Variants in FGFR1 observed in about 807,000 individuals in gnomAD.
FGFR1 encodes the protein fibroblast growth factor receptor 1.
A neutral mutation model predicts 93.7 loss-of-function variants in FGFR1; 18 were observed. The ratio of observed to expected loss-of-function variants is 0.19; its 90% CI spans 0.13 to 0.28. The LOEUF (loss-of-function observed/expected upper bound fraction) is 0.28, where lower values mean the gene tolerates loss of function less well. Among genes scored for constraint, FGFR1 ranks in the 10% least tolerant of loss-of-function variants. The pLI is 1.00. For missense variants in FGFR1, 731 were observed against 1,080.4 expected, an observed-to-expected ratio of 0.68 and a Z score of 4.53; for synonymous variants, 448 against 429.3, an observed-to-expected ratio of 1.04 and a Z score of -0.54.
chr8:38,460,990 C>G, intron 1 of FGFR1: 1 of 1,430,958 alleles, frequency 7.0e-7, no homozygotes, highest in Non-Finnish European at 9.5e-7. Context: ...TCTCCAATAT[C>G]AGCTAGGCTC....
chr8:38,452,200 G>GACACACACACAC (rs3051753), intron 2 of FGFR1, among the ~76,000 whole-genome samples: 28 of 139,164 alleles, frequency 2.0e-4, no homozygotes, highest in Non-Finnish European at 3.0e-4. Context: ...CAGACACACA[G>GACACACACACAC]ACACACACAC....
At chr8:38,439,920 T>G (rs560138066) in intron 2 of FGFR1, among the ~76,000 whole-genome samples, 4 of 152,138 alleles carry the variant, frequency 2.6e-5, no homozygotes, top group African/African-American at 9.7e-5. Context: ...TTGTATTACC[T>G]ACTCTACGTT....
chr8:38,449,323 A>G (rs1212139481), intron 2 of FGFR1, among the ~76,000 whole-genome samples: 1 of 152,188 alleles, frequency 6.6e-6, no homozygotes, highest in East Asian at 1.9e-4. Flanking sequence ...AAAACAATGT[A>G]TAAAGTATAC....
At chr8:38,458,758 T>C (rs1833605271) in intron 1 of FGFR1, 1 of 219,740 alleles carries the variant, frequency 4.6e-6, no homozygotes, top group East Asian at 6.7e-5. Context: ...CCTGGGTACT[T>C]TCTTTTTGTC....
chr8:38,458,477 G>A (rs1833501992), intron 1 of FGFR1, among the ~76,000 whole-genome samples: 1 of 152,074 alleles, frequency 6.6e-6, no homozygotes, highest in Non-Finnish European at 1.5e-5. Context: ...GGAGGCGGAG[G>A]TTGCAGTGAG....
At chr8:38,451,650 C>T (rs781606099) in intron 2 of FGFR1, among the ~76,000 whole-genome samples, 6 of 152,130 alleles carry the variant, frequency 3.9e-5, no homozygotes, top group African/African-American at 7.2e-5. Flanking sequence ...CCTCTCCCCC[C>T]TCTAACAAGC....
In FGFR1 at chr8:38,420,193, TAAG is replaced by T. The variant is rs1259679716; in HGVS notation, c.1082-461_1082-459del. On this transcript the variant is annotated intron_variant, in intron 8 of 17. Coordinates refer to ENST00000447712, the MANE Select transcript of FGFR1 (RefSeq NM_023110.3). ...CAGATGTTTCTGAGTCCTCTGTCCCTAAGAAGACACGGGGTCCCTGAGGGCAGG... is the reference window on the plus strand; with the variant it reads ...CAGATGTTTCTGAGTCCTCTGTCCCTAAGACACGGGGTCCCTGAGGGCAGG... The T allele has an allele frequency of 2.2e-5, 4 of 180,014 alleles. No homozygotes were observed. In the East Asian group the frequency reaches 3.8e-4, roughly 17 times the overall value. 11.2% of individuals were successfully genotyped at this position (180,014 alleles called of 1,614,324 possible).
intron 2 of FGFR1, among the ~76,000 whole-genome samples, chr8:38,434,030 G>C (rs2151022390): frequency 1.3e-5 from 2 of 152,218 alleles, no homozygotes; most frequent in South Asian, 4.2e-4. Context: ...GTGATCTTTT[G>C]TGACTGGCTT....
chr8:38,434,127 T>A (rs1296309560), intron 2 of FGFR1, among the ~76,000 whole-genome samples: 1 of 152,250 alleles, frequency 6.6e-6, no homozygotes, highest in African/African-American at 2.4e-5. Context: ...TAATATTCAA[T>A]TGTGTAGACA....
intron 16 of FGFR1, 44 bp from the exon 17 acceptor site, chr8:38,414,067 TA>T (rs1417889590): frequency 6.2e-7 from 1 of 1,613,700 alleles, no homozygotes. Context: ...TGGAGATGGA[TA>T]CTCTCTAGTC....
chr8:38,429,513 A>G lies in FGFR1; in HGVS notation c.358+169T>C. The G allele has an allele frequency of 1.2e-6, 1 of 828,354 alleles. No homozygotes were observed. Among genetic ancestry groups the G allele is most frequent in the Non-Finnish European group, 2.0e-6 (1 of 509,440 alleles). 51.3% of individuals were successfully genotyped at this position (828,354 alleles called of 1,614,324 possible). ...CCCACCCCACCTAGTCACCTCTCTG[A>G]GAGCCAAGCCACGCGGCAGGCAGGG... On this transcript the variant is annotated intron_variant, in intron 3 of 17. Transcript: ENST00000447712. This position sits in a 1 kb window ranked among gnomAD's most constrained non-coding sequence, Gnocchi z 4.4.
chr8:38,461,325 T>A, intron 1 of FGFR1: 1 of 581,690 alleles, frequency 1.7e-6, no homozygotes, highest in Non-Finnish European at 3.0e-6. Context: ...AGCTGACGAA[T>A]TCATGGCCAA....
intron 12 of FGFR1, among the ~76,000 whole-genome samples, chr8:38,416,754 CTATT>C (rs1036936839): frequency 1.1e-4 from 16 of 151,600 alleles, no homozygotes; most frequent in East Asian, 5.8e-4. Context: ...TGTGCCTGGC[CTATT>C]TATTTATTTT....
intron 1 of FGFR1, chr8:38,460,971 C>T (rs560798317): frequency 2.3e-5 from 29 of 1,258,926 alleles, no homozygotes; most frequent in Admixed American, 1.4e-4. Context: ...TGGTTCCCCC[C>T]GCCCCGTCTC....
intron 9 of FGFR1, chr8:38,418,761 G>C (rs536166323): frequency 3.1e-6 from 1 of 320,986 alleles, no homozygotes; most frequent in Non-Finnish European, 6.0e-6. Flanking sequence ...CTGAGGGAAC[G>C]GTCATTCTTG....
intron 2 of FGFR1, among the ~76,000 whole-genome samples, chr8:38,452,712 A>C (rs1380923257): frequency 6.6e-6 from 1 of 151,872 alleles, no homozygotes; most frequent in Non-Finnish European, 1.5e-5. Context: ...CATGGTGGCT[A>C]ACACCTGTAA....
chr8:38,413,566 C>A lies in FGFR1; in HGVS notation c.*62G>T. The stretch of plus-strand genomic sequence containing the variant: ...AGGGACGGACAGGTGGTGGGCCCAG[C>A]AGGGGCTGTGGGTGAGGGTTACAGC... On this transcript the variant is annotated 3_prime_UTR_variant, in exon 18 of 18. Transcript: ENST00000447712. This position sits in a 1 kb window ranked among gnomAD's most constrained non-coding sequence, Gnocchi z 4.2. The A allele has an allele frequency of 6.5e-7, 1 of 1,529,116 alleles. No individual in the cohort carries two copies. 94.7% of individuals were successfully genotyped at this position (1,529,116 alleles called of 1,614,324 possible). A position where few individuals can be genotyped will look rare whatever the true frequency, so the allele number is the denominator to read the frequency against.
chr8:38,425,128 CA>C (rs1820267130), intron 6 of FGFR1, among the ~76,000 whole-genome samples: 1 of 151,006 alleles, frequency 6.6e-6, no homozygotes, highest in Admixed American at 6.6e-5. Context: ...CCTCTTGGAT[CA>C]GAATCTCCTT....
intron 2 of FGFR1, among the ~76,000 whole-genome samples, chr8:38,443,278 A>G (rs1266006535): frequency 6.6e-6 from 1 of 152,194 alleles, no homozygotes; most frequent in African/African-American, 2.4e-5. Flanking sequence ...AGCAATTACC[A>G]TGATTTGGTC....
Sources: gnomAD v4.1 joint callset for allele counts (sites outside exome capture counted in the v4.1 genomes callset) on GRCh38, gnomAD v4.1.1 for gene constraint, Gnocchi (gnomAD v3.1) non-coding constraint, MANE v1.5 for transcripts, NCBI Gene and HGNC (gene_info 2026-07-23, HGNC 2026-07-21) for gene names.